The following BCL11A variants were observed in gnomAD, a reference collection of about 807,000 sequenced individuals.
BCL11A encodes BCL11 transcription factor A.
In BCL11A, 2 loss-of-function variants were observed where a neutral mutation model predicts 55.9. The observed-to-expected ratio is 0.04, with a 90% CI of 0.01 to 0.11. BCL11A has a LOEUF of 0.11. Ranked by LOEUF, BCL11A falls within the 10% of genes least tolerant of loss-of-function variation. The pLI is 1.00. For missense variants in BCL11A, 817 were observed against 1,137.1 expected (o/e 0.72, Z 4.05); for synonymous variants, 465 against 473.4 (o/e 0.98, Z 0.23).
At chr2:60,467,828 ATGGTGGTGG>A (rs1273338866) in intron 3 of BCL11A, among the ~76,000 whole-genome samples, 6 of 68,616 alleles carry the variant, frequency 8.7e-5, no homozygotes, top group African/African-American at 3.1e-4. Context: ...GGTGATGGTG[ATGGTGGTGG>A]TGGTGGTGAT....
intron 2 of BCL11A, among the ~76,000 whole-genome samples, chr2:60,494,010 G>C (rs974314812): frequency 6.6e-6 from 1 of 152,152 alleles, no homozygotes; most frequent in African/African-American, 2.4e-5. Context: ...GGAGTGGAGG[G>C]GAAGTGGACA....
At chr2:60,470,071 T>C (rs902320122) in intron 2 of BCL11A, among the ~76,000 whole-genome samples, 9 of 152,132 alleles carry the variant, frequency 5.9e-5, no homozygotes, top group African/African-American at 1.9e-4. Flanking sequence ...GCCAAGGCAG[T>C]TGGGACAAGA....
chr2:60,489,863 T>C (rs1041019185), intron 2 of BCL11A, among the ~76,000 whole-genome samples: 2 of 152,206 alleles, frequency 1.3e-5, no homozygotes, highest in Non-Finnish European at 2.9e-5. Context: ...CACAGGGATA[T>C]GAATTTTGAT....
chr2:60,493,922 G>C (rs1678796907), intron 2 of BCL11A, among the ~76,000 whole-genome samples: 1 of 152,182 alleles, frequency 6.6e-6, no homozygotes, highest in Non-Finnish European at 1.5e-5. Context: ...AAGGACCCCT[G>C]GGGGAGACAG....
chr2:60,550,887 A>C (rs994005239), intron 1 of BCL11A: 5 of 387,988 alleles, frequency 1.3e-5, no homozygotes, highest in Non-Finnish European at 2.3e-5. Flanking sequence ...CTGTAACTTC[A>C]CACCGCCGCG....
rs763557739 is a variant in BCL11A at position 60,545,977 on chromosome 2, T to C, written c.379A>G (p.Ile127Val). Reference protein sequence around the residue: ...SRGICPKQEHIADKLLHWRGL... With the variant: ...SRGICPKQEHVADKLLHWRGL... ...CTCCTTGCTTCTCATTTACCTGCTA[T>C]GTGTTCCTGTTTGGGGCAAATTCCT... Residue 127 changes from isoleucine (I) to valine (V), a missense_variant, in exon 2 of 4, where the codon ATA (isoleucine) becomes GTA (valine). This residue lies in a region of BCL11A where 363 missense variants were observed against 486.6 expected (regional missense o/e 0.75). Transcript: ENST00000642384. 1 of 1,612,976 alleles carries C rather than the reference T, an allele frequency of 6.2e-7. No individual in the cohort carries two copies.
intron 2 of BCL11A, among the ~76,000 whole-genome samples, chr2:60,521,492 A>C (rs1166030069): frequency 6.6e-6 from 1 of 152,172 alleles, no homozygotes; most frequent in Admixed American, 6.5e-5. Context: ...CCCACCAGTG[A>C]CCTAGCTTTC....
chr2:60,464,241 G>A (rs1304657761), intron 3 of BCL11A, among the ~76,000 whole-genome samples: 2 of 152,076 alleles, frequency 1.3e-5, no homozygotes, highest in Admixed American at 1.3e-4. Flanking sequence ...TGTGGAAGGG[G>A]GAAAAAAGGC....
chr2:60,512,497 T>C (rs1447413280), intron 2 of BCL11A, among the ~76,000 whole-genome samples: 1 of 152,184 alleles, frequency 6.6e-6, no homozygotes, highest in African/African-American at 2.4e-5. Flanking sequence ...AGAGGATGCT[T>C]GCCTTCCCGG....
intron 2 of BCL11A, among the ~76,000 whole-genome samples, chr2:60,521,696 C>G (rs1669000561): frequency 6.6e-6 from 1 of 152,158 alleles, no homozygotes; most frequent in African/African-American, 2.4e-5. Context: ...TCCTCTCAGG[C>G]AAATCATCTT....
intron 2 of BCL11A, among the ~76,000 whole-genome samples, chr2:60,529,314 C>A (rs1669343944): frequency 6.6e-6 from 1 of 152,182 alleles, no homozygotes; most frequent in Non-Finnish European, 1.5e-5. Flanking sequence ...ATAGGATGCT[C>A]AAAGGCCCTA....
chr2:60,520,504 T>G (rs555512365), intron 2 of BCL11A, among the ~76,000 whole-genome samples: 1 of 152,354 alleles, frequency 6.6e-6, no homozygotes, highest in African/African-American at 2.4e-5. Context: ...GGTGGGATAA[T>G]GTACACATTT....
chr2:60,494,369 T>C (rs555603886), intron 2 of BCL11A, among the ~76,000 whole-genome samples: 15 of 152,342 alleles, frequency 9.8e-5, no homozygotes, highest in African/African-American at 3.4e-4. Context: ...GTTGCCCCTC[T>C]GTAAACAAGG....
At chr2:60,485,797 G>C (rs1052472897) in intron 2 of BCL11A, among the ~76,000 whole-genome samples, 36 of 152,146 alleles carry the variant, frequency 2.4e-4, no homozygotes, top group African/African-American at 8.4e-4. Context: ...GAAGGCAAGT[G>C]TTTCCCAAAG....
Position 60,460,283 on chromosome 2 carries a change from G to A in BCL11A, c.*121C>T. 22 of 1,460,610 alleles carry A rather than the reference G, an allele frequency of 1.5e-5. No individual in the cohort carries two copies. Among genetic ancestry groups the A allele is most frequent in the Non-Finnish European group, 2.0e-5 (22 of 1,106,942 alleles). 90.5% of individuals were successfully genotyped at this position (1,460,610 alleles called of 1,614,324 possible). On this transcript the variant is annotated 3_prime_UTR_variant, in exon 4 of 4. Transcript: ENST00000642384. ...GTTACTTCTGTTTGTTTGTTTGTTT[G>A]TTTAAATCACATGGGACTAGAAAAA...
intron 2 of BCL11A, among the ~76,000 whole-genome samples, chr2:60,506,279 G>A (rs1312663944): frequency 6.6e-6 from 1 of 152,220 alleles, no homozygotes; most frequent in Non-Finnish European, 1.5e-5. Flanking sequence ...AATTCTCTCT[G>A]CATCAGAGGA....
chr2:60,478,425 C>A (rs1677756720), intron 2 of BCL11A, among the ~76,000 whole-genome samples: 1 of 152,212 alleles, frequency 6.6e-6, no homozygotes, highest in African/African-American at 2.4e-5. Context: ...GGTCATACAG[C>A]CCCTTTCAGG....
downstream of BCL11A, among the ~76,000 whole-genome samples, chr2:60,456,424 C>T (rs1478259151): frequency 6.6e-6 from 1 of 152,152 alleles, no homozygotes; most frequent in Admixed American, 6.5e-5. Context: ...GGTATTCCCG[C>T]CCTTATTTGC....
At chr2:60,485,478 T>G (rs948179155) in intron 2 of BCL11A, among the ~76,000 whole-genome samples, 1 of 152,208 alleles carries the variant, frequency 6.6e-6, no homozygotes, top group Non-Finnish European at 1.5e-5. Context: ...AACAGAACGG[T>G]GTGAGCCAGG....
Sources: gnomAD v4.1 joint callset for allele counts (sites outside exome capture counted in the v4.1 genomes callset) on GRCh38, gnomAD v4.1.1 for gene constraint, gnomAD v4.1.1 regional missense constraint, MANE v1.5 for transcripts, NCBI Gene and HGNC (gene_info 2026-07-23, HGNC 2026-07-21) for gene names.